The following UNC13C variants were observed in gnomAD, a reference collection of about 807,000 sequenced individuals.
The protein encoded by UNC13C is protein unc-13 homolog C.
Under a neutral mutation model 245.4 loss-of-function variants are expected in UNC13C, and 174 were observed. The observed-to-expected ratio is 0.71, with a 90% CI of 0.63 to 0.80. The LOEUF is 0.80. Among genes scored for constraint, UNC13C ranks in the 30% least tolerant of loss-of-function variants. The pLI is 0.00. For synonymous variants in UNC13C, 992 were observed against 895.1 expected (o/e 1.11, Z -1.93); for missense variants, 2,829 against 2,602.9 (o/e 1.09, Z -1.89).
chr15:54,337,244 C>T (rs2038604826), intron 16 of UNC13C, among the ~76,000 whole-genome samples: 1 of 152,108 alleles, frequency 6.6e-6, no homozygotes, highest in Non-Finnish European at 1.5e-5. Context: ...GGATTTATTT[C>T]TTGGACCTCT....
intron 26 of UNC13C, among the ~76,000 whole-genome samples, chr15:54,543,478 C>T (rs545245295): frequency 9.2e-5 from 14 of 151,906 alleles, no homozygotes; most frequent in African/African-American, 2.9e-4. Context: ...AAATGAAAAA[C>T]CCTTCAAAAA....
intron 24 of UNC13C, among the ~76,000 whole-genome samples, chr15:54,518,223 G>T: frequency 6.6e-6 from 1 of 152,148 alleles, no homozygotes; most frequent in East Asian, 1.9e-4. Context: ...ACCACATAAA[G>T]TTTAGCTAAC....
rs116350570 is a variant in UNC13C, at chr15:54,425,690, G to T, written c.4933+10623G>T. On this transcript the variant is annotated intron_variant, in intron 19 of 32. Transcript: ENST00000260323. Reference sequence around the variant, plus strand: ...CAGGGACTGCTTTGGTGGTAGCTAAGGTTCAGAGAAGAATGACTACTAGCC... The same window carrying T: ...CAGGGACTGCTTTGGTGGTAGCTAATGTTCAGAGAAGAATGACTACTAGCC... Among the ~76,000 whole-genome samples, 1,418 of 151,960 alleles carry T rather than the reference G, an allele frequency of 9.3e-3. 18 individuals are homozygous for T. Among genetic ancestry groups the T allele is most frequent in the African/African-American group, 0.033 (1,366 of 41,508 alleles).
At chr15:53,864,613 T>A in the UNC13C span, among the ~76,000 whole-genome samples, 1 of 152,222 alleles carries the variant, frequency 6.6e-6, no homozygotes, top group Admixed American at 6.5e-5. Flanking sequence ...TATCCTTACA[T>A]ATTTCAGATC....
At chr15:54,312,408 C>G (rs1414264267) in intron 13 of UNC13C, among the ~76,000 whole-genome samples, 4 of 151,714 alleles carry the variant, frequency 2.6e-5, no homozygotes, top group African/African-American at 9.7e-5. Flanking sequence ...ATGAAGCACT[C>G]TTTTAGACTG....
At chr15:54,484,220 T>C (rs1220115917) in intron 19 of UNC13C, among the ~76,000 whole-genome samples, 1 of 152,188 alleles carries the variant, frequency 6.6e-6, no homozygotes, top group African/African-American at 2.4e-5. Flanking sequence ...GACATGGTCT[T>C]AGGTGCTCAA....
intron 16 of UNC13C, among the ~76,000 whole-genome samples, chr15:54,337,167 C>T (rs905533494): frequency 3.9e-5 from 6 of 152,122 alleles, no homozygotes; most frequent in Non-Finnish European, 7.4e-5. Context: ...GTGGGGGGTA[C>T]TCTCTACTGC....
intron 13 of UNC13C, among the ~76,000 whole-genome samples, chr15:54,315,535 C>G (rs1339702903): frequency 6.6e-6 from 1 of 151,308 alleles, no homozygotes; most frequent in Non-Finnish European, 1.5e-5. Context: ...ATGGCTATTT[C>G]CCAGGTGACA....
the UNC13C span, among the ~76,000 whole-genome samples, chr15:53,954,074 T>C: frequency 6.6e-6 from 1 of 152,232 alleles, no homozygotes; most frequent in African/African-American, 2.4e-5. Context: ...ATTCATCATT[T>C]CCTATCCATC....
chr15:54,479,723 T>G (rs1455431824), intron 19 of UNC13C, among the ~76,000 whole-genome samples: 1 of 152,146 alleles, frequency 6.6e-6, no homozygotes, highest in East Asian at 1.9e-4. Context: ...CTTTTAGTTT[T>G]TTTTTCTGTA....
chr15:54,008,178 A>G (rs925462836), intron 1 of UNC13C, among the ~76,000 whole-genome samples: 13 of 152,210 alleles, frequency 8.5e-5, no homozygotes, highest in African/African-American at 2.7e-4. Context: ...ATATGTTAAC[A>G]TATCTGCAAA....
chr15:54,530,675 G>A (rs139838415), intron 25 of UNC13C, among the ~76,000 whole-genome samples: 22 of 152,206 alleles, frequency 1.4e-4, no homozygotes, highest in African/African-American at 4.1e-4. Context: ...TGAAATTAAC[G>A]AGGGACCAAG....
chr15:54,111,933 T>C (rs779321352), intron 2 of UNC13C, among the ~76,000 whole-genome samples: 3 of 152,134 alleles, frequency 2.0e-5, no homozygotes, highest in Non-Finnish European at 4.4e-5. Context: ...GTCTTTGATT[T>C]ATAGAGAACC....
chr15:54,526,305 A>G (rs1895455824), intron 25 of UNC13C, among the ~76,000 whole-genome samples: 2 of 152,216 alleles, frequency 1.3e-5, no homozygotes, highest in Admixed American at 1.3e-4. Context: ...ACCTCATCAA[A>G]ATGTTAAAAT....
At chr15:54,421,235 A>C (rs931017319) in intron 19 of UNC13C, among the ~76,000 whole-genome samples, 1 of 152,024 alleles carries the variant, frequency 6.6e-6, no homozygotes, top group Admixed American at 6.6e-5. Flanking sequence ...TGATGTATTC[A>C]TGATTGAGTA....
At position 54,086,737 on chromosome 15, in the gene UNC13C, C is replaced by CT. The variant is rs57209912; in HGVS notation, c.2984-56263dup. Among the ~76,000 whole-genome samples, 233 of 92,030 alleles carry CT rather than the reference C, an allele frequency of 2.5e-3. 8 individuals are homozygous for CT. The highest frequency in any genetic ancestry group is 5.7e-3 in the African/African-American group (152 of 26,694). The allele number at this position is 92,030 out of a possible 152,430, so 60.4% of individuals were successfully genotyped here. A position where few individuals can be genotyped will look rare whatever the true frequency, so the allele number is the denominator to read the frequency against. ...GTACTATGTGTTGCTTATTTTCTTTCTTTTTTTTTTTTTTTTTTGAGATGG... is the reference window on the plus strand; with the variant it reads ...GTACTATGTGTTGCTTATTTTCTTTCTTTTTTTTTTTTTTTTTTTGAGATGG... On this transcript the variant is annotated intron_variant, in intron 2 of 32. Transcript: ENST00000260323.
chr15:54,137,240 A>G (rs1431520783), intron 2 of UNC13C, among the ~76,000 whole-genome samples: 1 of 152,090 alleles, frequency 6.6e-6, no homozygotes, highest in Middle Eastern at 3.2e-3. Flanking sequence ...GTGCCATTGA[A>G]TTTGGTTTGT....
At chr15:54,017,382 T>C (rs1364270035) in intron 2 of UNC13C, among the ~76,000 whole-genome samples, 1 of 152,176 alleles carries the variant, frequency 6.6e-6, no homozygotes, top group Admixed American at 6.6e-5. Flanking sequence ...GAAATTCATT[T>C]GCTATTTCTT....
intron 2 of UNC13C, among the ~76,000 whole-genome samples, chr15:54,084,589 T>G (rs1477974793): frequency 6.6e-6 from 1 of 152,222 alleles, no homozygotes; most frequent in Non-Finnish European, 1.5e-5. Context: ...TCATTTCACT[T>G]CTTTGAGCTT....
Sources: gnomAD v4.1 joint callset for allele counts (sites outside exome capture counted in the v4.1 genomes callset) on GRCh38, gnomAD v4.1.1 for gene constraint, MANE v1.5 for transcripts, NCBI Gene and HGNC (gene_info 2026-07-23, HGNC 2026-07-21) for gene names.